Variants in EPS15L1 observed in about 807,000 individuals in gnomAD.
EPS15L1 encodes the protein epidermal growth factor receptor pathway substrate 15 like 1.
In EPS15L1, 43 loss-of-function variants were observed where a neutral mutation model predicts 117.1. The ratio of observed to expected loss-of-function variants is 0.37; its 90% CI spans 0.29 to 0.47. EPS15L1 has a LOEUF of 0.47. Ranked by LOEUF, EPS15L1 falls within the 20% of genes least tolerant of loss-of-function variation. The pLI is 0.99. For synonymous variants in EPS15L1, 459 were observed against 470.5 expected, an observed-to-expected ratio of 0.98 and a Z score of 0.32; for missense variants, 981 against 1,164.0, an observed-to-expected ratio of 0.84 and a Z score of 2.29.
chr19:16,461,943 A>C (rs995511457), intron 1 of EPS15L1, among the ~76,000 whole-genome samples: 10 of 152,214 alleles, frequency 6.6e-5, no homozygotes, highest in Non-Finnish European at 1.5e-4. Flanking sequence ...CCCAGCCTCC[A>C]ATCAACAGAT....
Position 16,421,389 on chromosome 19 carries a change from C to G in EPS15L1, c.880G>C (p.Val294Leu), listed in dbSNP as rs370122755. 5.6e-6 allele frequency: 9 copies of G among 1,614,112 alleles called. No homozygotes were observed. Among genetic ancestry groups the G allele is most frequent in the Non-Finnish European group, 7.6e-6 (9 of 1,179,976 alleles). The change falls in exon 10 of 24, where the codon GTG (valine) becomes CTG (leucine). Residue 294 changes from valine to leucine, a missense_variant. By Grantham distance (32) the Val-to-Leu change is conservative. Transcript: ENST00000455140. ...LKTDLDLDGY[V>L]SGQEVKEIFM... is the part of the protein sequence containing the mutation. The stretch of plus-strand genomic sequence containing the variant: ...ATCTCCTTCACCTCCTGGCCACTCA[C>G]GTAGCCATCCAGGTCCAGGTCGGTC...
chr19:16,417,931 T>C lies in EPS15L1; in HGVS notation c.1107+17A>G, dbSNP rs1259060513. On this transcript the variant is annotated intron_variant, in intron 11 of 23. Transcript: ENST00000455140. Reference sequence around the variant, plus strand: ...AAGGGATGTCAATACCCCCAGGGCATGACCAGCACCACTCACCGGGCCGGG... The same window carrying C: ...AAGGGATGTCAATACCCCCAGGGCACGACCAGCACCACTCACCGGGCCGGG... 3 of 1,608,540 alleles carry C rather than the reference T, an allele frequency of 1.9e-6. No homozygotes were observed. Among genetic ancestry groups the C allele is most frequent in the African/African-American group, 1.3e-5 (1 of 74,936 alleles).
chr19:16,361,659 G>C, intron 23 of EPS15L1, 120 bp downstream of exon 23: 2 of 1,447,098 alleles, frequency 1.4e-6, no homozygotes, highest in Non-Finnish European at 1.8e-6. Flanking sequence ...GGGACAGAGA[G>C]TGTGAGGTAC....
Position 16,371,457 on chromosome 19 carries a change from G to A in EPS15L1, c.2380+5665C>T, listed in dbSNP as rs894169543. Among the ~76,000 whole-genome samples the A allele has an allele frequency of 2.0e-5, 3 of 152,196 alleles. No homozygotes were observed. Among genetic ancestry groups the A allele is most frequent in the Admixed American group, 6.5e-5 (1 of 15,280 alleles). ...GGTTAAACTTAGGTAAAAGCTGTTCGTTAGTGCAACTGTGGGGAGGGGGCG... is the reference window on the plus strand; with the variant it reads ...GGTTAAACTTAGGTAAAAGCTGTTCATTAGTGCAACTGTGGGGAGGGGGCG... On this transcript the variant is annotated intron_variant, in intron 22 of 23. Coordinates refer to ENST00000455140, the MANE Select transcript of EPS15L1 (RefSeq NM_001258374.3). This position sits in a 1 kb window ranked among gnomAD's most constrained non-coding sequence, Gnocchi z 4.7.
chr19:16,403,624 C>T lies in EPS15L1; in HGVS notation c.1626+109G>A, dbSNP rs112002860. 5.2e-3 allele frequency: 5,429 copies of T among 1,052,154 alleles called. 23 individuals carry two copies. The highest frequency in any genetic ancestry group is 6.3e-3 in the Non-Finnish European group (4,401 of 701,868). 65.2% of individuals were successfully genotyped at this position (1,052,154 alleles called of 1,614,324 possible). A position where few individuals can be genotyped will look rare whatever the true frequency, so the allele number is the denominator to read the frequency against. On this transcript the variant is annotated intron_variant, in intron 15 of 23. Transcript: ENST00000455140. ...AGCACCACAGCCTCCCAAAAGAGAC[C>T]CTCACGTAAGTAACAAGGGTGAGAG...
At chr19:16,417,773 C>A in intron 11 of EPS15L1, 136 bp from the exon 12 acceptor site, 1 of 1,169,930 alleles carries the variant, frequency 8.5e-7, no homozygotes, top group East Asian at 2.5e-5. Context: ...TGTCAGCCCC[C>A]TGCCTGGGGA....
At chr19:16,377,899 G>T (rs763442584) in intron 21 of EPS15L1, among the ~76,000 whole-genome samples, 51 of 152,158 alleles carry the variant, frequency 3.4e-4, no homozygotes, top group Non-Finnish European at 4.0e-4. Context: ...CCGGACCCTC[G>T]GTCAGCCTCC....
chr19:16,401,915 T>C lies in EPS15L1; in HGVS notation c.1791+406A>G, dbSNP rs937123621. 7 of 1,005,790 alleles carry C rather than the reference T, an allele frequency of 7.0e-6. 1 individual carries two copies. The African/African-American group carries it at 1.0e-4, about 15-fold the overall frequency. The allele number at this position is 1,005,790 out of a possible 1,614,324, so 62.3% of individuals were successfully genotyped here. On this transcript the variant is annotated intron_variant, in intron 16 of 23. Coordinates refer to ENST00000455140, the MANE Select transcript of EPS15L1 (RefSeq NM_001258374.3). The stretch of plus-strand genomic sequence containing the variant: ...TTCCTTGTGGAAACACACATACACA[T>C]AGACACATGCCCCTCAGATGTCCCC...
chr19:16,386,311 G>A (rs567899545), intron 19 of EPS15L1, 80 bp from the exon 20 acceptor site: 27 of 1,108,440 alleles, frequency 2.4e-5, no homozygotes, highest in Admixed American at 2.1e-4. Context: ...CCTTCCTGAC[G>A]TCGATGTACA....
intron 23 of EPS15L1, chr19:16,356,938 TCTGCGATGCA>T (rs1391302785): frequency 6.6e-6 from 1 of 152,172 alleles, no homozygotes; most frequent in Admixed American, 6.6e-5. Flanking sequence ...TTAATGTCTC[TCTGCGATGCA>T]CTGCCTCTGA....
intron 4 of EPS15L1, 119 bp from the exon 5 acceptor site, chr19:16,437,984 C>T (rs551455502): frequency 7.2e-5 from 52 of 724,376 alleles, no homozygotes; most frequent in East Asian, 8.2e-5. Flanking sequence ...GAAGGCCGTC[C>T]GTGCAAAAAC....
At chr19:16,388,001 G>A (rs1362760591) in intron 19 of EPS15L1, among the ~76,000 whole-genome samples, 3 of 152,128 alleles carry the variant, frequency 2.0e-5, no homozygotes, top group Admixed American at 2.0e-4. Flanking sequence ...AAATTGGGCA[G>A]AAAAAACAAA....
At chr19:16,367,793 C>T (rs1267059768) in intron 22 of EPS15L1, among the ~76,000 whole-genome samples, 2 of 130,212 alleles carry the variant, frequency 1.5e-5, no homozygotes, top group South Asian at 5.0e-4. Context: ...AACAAACAAA[C>T]AAAAAATTGA....
intron 19 of EPS15L1, among the ~76,000 whole-genome samples, chr19:16,389,539 T>C (rs1186503958): frequency 6.6e-6 from 1 of 152,142 alleles, no homozygotes; most frequent in East Asian, 1.9e-4. Context: ...AGGAAAATGA[T>C]AATGGAGGGA....
intron 22 of EPS15L1, among the ~76,000 whole-genome samples, chr19:16,373,409 C>T (rs920801294): frequency 1.3e-5 from 2 of 150,810 alleles, no homozygotes; most frequent in African/African-American, 2.4e-5. Context: ...GGCAGAAAGG[C>T]TTTTTTTGGT....
At chr19:16,456,171 GC>G (rs1236108531) in intron 1 of EPS15L1, among the ~76,000 whole-genome samples, 1 of 152,160 alleles carries the variant, frequency 6.6e-6, no homozygotes, top group Non-Finnish European at 1.5e-5. Flanking sequence ...TTGCACTCCA[GC>G]CTGGGCAACA....
chr19:16,439,140 C>A (rs2093005687), intron 4 of EPS15L1, among the ~76,000 whole-genome samples: 1 of 149,824 alleles, frequency 6.7e-6, no homozygotes, highest in South Asian at 2.1e-4. Flanking sequence ...ATACTGTTAA[C>A]AGTTTTAAAA....
In EPS15L1 at chr19:16,393,023, T is replaced by C. The variant is rs139388695; in HGVS notation, c.1967-583A>G. ...CGCCACTGCACTCCAGCCTAGGCAA[T>C]AGAGTAAAACCCCATCTCTAAATAA... On this transcript the variant is annotated intron_variant, in intron 18 of 23. Coordinates refer to ENST00000455140, the MANE Select transcript of EPS15L1 (RefSeq NM_001258374.3). 1.5e-4 allele frequency among the ~76,000 whole-genome samples: 22 copies of C among 150,848 alleles called. No individual in the cohort carries two copies. The South Asian group carries it at 2.1e-3, about 14-fold the overall frequency.
At chr19:16,461,861 C>T (rs2093255973) in intron 1 of EPS15L1, among the ~76,000 whole-genome samples, 1 of 152,190 alleles carries the variant, frequency 6.6e-6, no homozygotes, top group African/African-American at 2.4e-5. Flanking sequence ...AGAGACAAAA[C>T]GTTCCCTTCT....
Sources: gnomAD v4.1 joint callset for allele counts (sites outside exome capture counted in the v4.1 genomes callset) on GRCh38, gnomAD v4.1.1 for gene constraint, Gnocchi (gnomAD v3.1) non-coding constraint, MANE v1.5 for transcripts, NCBI Gene and HGNC (gene_info 2026-07-23, HGNC 2026-07-21) for gene names.